The following MAGI2 variants were observed in gnomAD, a reference collection of about 807,000 sequenced individuals.
The protein encoded by MAGI2 is membrane associated guanylate kinase, WW and PDZ domain containing 2.
In MAGI2, 35 loss-of-function variants were observed where a neutral mutation model predicts 133.3. The observed-to-expected ratio is 0.26, with a 90% CI of 0.20 to 0.35. The LOEUF is 0.35. Ranked by LOEUF, MAGI2 falls within the 10% of genes least tolerant of loss-of-function variation. The pLI, the probability that MAGI2 is intolerant of heterozygous loss-of-function variation, is 1.00. For synonymous variants in MAGI2, 729 were observed against 710.6 expected (o/e 1.03, Z -0.41); for missense variants, 1,636 against 1,863.4 (o/e 0.88, Z 2.25).
At chr7:79,230,820 T>G (rs1404967572) in intron 1 of MAGI2, among the ~76,000 whole-genome samples, 48 of 150,324 alleles carry the variant, frequency 3.2e-4, no homozygotes, top group South Asian at 8.4e-4. Flanking sequence ...GTCAATTTTG[T>G]CTTTTGTTGC....
intron 2 of MAGI2, among the ~76,000 whole-genome samples, chr7:78,917,255 G>A (rs1414801005): frequency 6.6e-6 from 1 of 152,046 alleles, no homozygotes; most frequent in Non-Finnish European, 1.5e-5. Flanking sequence ...AGTAAGAGGA[G>A]TAAATCTGGA....
At chr7:78,835,113 G>C (rs1791501310) in intron 2 of MAGI2, among the ~76,000 whole-genome samples, 1 of 152,126 alleles carries the variant, frequency 6.6e-6, no homozygotes, top group African/African-American at 2.4e-5. Flanking sequence ...AAATTGCTAG[G>C]TCATATAGTA....
At chr7:79,144,853 C>A (rs1315376041) in intron 1 of MAGI2, among the ~76,000 whole-genome samples, 1 of 152,190 alleles carries the variant, frequency 6.6e-6, no homozygotes, top group Non-Finnish European at 1.5e-5. Context: ...AACATGCCTT[C>A]CCCAACCCCT....
At chr7:78,647,487 A>G (rs1000637441) in intron 2 of MAGI2, among the ~76,000 whole-genome samples, 3 of 152,220 alleles carry the variant, frequency 2.0e-5, no homozygotes, top group Non-Finnish European at 4.4e-5. Flanking sequence ...TTAAAAACTC[A>G]GGAAACAACA....
intron 1 of MAGI2, among the ~76,000 whole-genome samples, chr7:79,438,643 T>G (rs1158007148): frequency 2.0e-5 from 3 of 152,022 alleles, no homozygotes; most frequent in African/African-American, 7.2e-5. Flanking sequence ...GAAAGTCATT[T>G]TTGCCTAGTG....
At chr7:78,731,955 A>T (rs1237458102) in intron 2 of MAGI2, among the ~76,000 whole-genome samples, 1 of 152,156 alleles carries the variant, frequency 6.6e-6, no homozygotes, top group Non-Finnish European at 1.5e-5. Flanking sequence ...CCAGGCCAAC[A>T]TTCCAGGCTT....
In MAGI2 at chr7:78,813,785, CAA is replaced by C. The variant is rs36107160; in HGVS notation, c.419-186548_419-186547del. 7.0e-3 allele frequency among the ~76,000 whole-genome samples: 674 copies of C among 96,770 alleles called. 6 individuals carry two copies. Among genetic ancestry groups the C allele is most frequent in the African/African-American group, 0.019 (466 of 24,376 alleles). The allele number at this position is 96,770 out of a possible 152,430, so 63.5% of individuals were successfully genotyped here. On this transcript the variant is annotated intron_variant, in intron 2 of 21. Transcript: ENST00000354212. Reference sequence around the variant, plus strand: ...TGGGTGACAGAGTGAGATTCTGTCTCAAAAAAAAAAAAAAAAAAACACAAAAA... The same window carrying C: ...TGGGTGACAGAGTGAGATTCTGTCTCAAAAAAAAAAAAAAAAACACAAAAA...
chr7:78,422,929 C>T (rs1481862944), intron 6 of MAGI2, among the ~76,000 whole-genome samples: 1 of 152,102 alleles, frequency 6.6e-6, no homozygotes, highest in African/African-American at 2.4e-5. Flanking sequence ...TGTTAAGCTT[C>T]CTTTAGGTCA....
intron 1 of MAGI2, among the ~76,000 whole-genome samples, chr7:79,085,729 T>C (rs1816426494): frequency 6.6e-6 from 1 of 151,950 alleles, no homozygotes; most frequent in African/African-American, 2.4e-5. Context: ...AAAGTCTTTA[T>C]GCTTTGTTGT....
intron 1 of MAGI2, among the ~76,000 whole-genome samples, chr7:79,213,574 GTCAAT>G (rs1242269474): frequency 6.6e-6 from 1 of 151,992 alleles, no homozygotes; most frequent in Non-Finnish European, 1.5e-5. Flanking sequence ...AAGAAAGCAA[GTCAAT>G]TGTACAACTT....
intron 2 of MAGI2, among the ~76,000 whole-genome samples, chr7:78,775,833 G>A (rs765497806): frequency 3.3e-5 from 5 of 152,206 alleles, no homozygotes; most frequent in Non-Finnish European, 5.9e-5. Flanking sequence ...CGCAACTGGT[G>A]CTACACAATT....
At chr7:79,414,671 G>A (rs1014573543) in intron 1 of MAGI2, 2 of 152,048 alleles carry the variant, frequency 1.3e-5, no homozygotes, top group African/African-American at 4.8e-5. Flanking sequence ...AGTCCCATAA[G>A]TGAAATAGTT....
chr7:79,257,526 T>G (rs1833777007), intron 1 of MAGI2, among the ~76,000 whole-genome samples: 1 of 152,230 alleles, frequency 6.6e-6, no homozygotes. Context: ...TCAGCTTGAA[T>G]GGCTCTTTGT....
At chr7:78,489,922 AGTCC>A in intron 5 of MAGI2, 82 bp from the exon 6 acceptor site, 1 of 1,051,490 alleles carries the variant, frequency 9.5e-7, no homozygotes, top group East Asian at 2.4e-5. Flanking sequence ...AAGCAGGGTT[AGTCC>A]AACAAAATTG....
intron 2 of MAGI2, among the ~76,000 whole-genome samples, chr7:78,699,193 T>C (rs763140519): frequency 1.7e-4 from 26 of 152,152 alleles, no homozygotes; most frequent in Non-Finnish European, 3.2e-4. Context: ...CAATGCAATC[T>C]CTGCCTTGCG....
intron 1 of MAGI2, among the ~76,000 whole-genome samples, chr7:79,210,331 T>C (rs1391580491): frequency 6.6e-6 from 1 of 152,096 alleles, no homozygotes; most frequent in Non-Finnish European, 1.5e-5. Flanking sequence ...TTGATATCTG[T>C]ATGTATTATA....
Position 78,352,289 on chromosome 7 carries a change from T to C in MAGI2, c.1104-6246A>G, listed in dbSNP as rs184676680. On this transcript the variant is annotated intron_variant, in intron 7 of 21. Coordinates refer to ENST00000354212, the MANE Select transcript of MAGI2 (RefSeq NM_012301.4). ...TGCAAAACAAGGTTACATAATGCAA[T>C]GTGTGCCTTACAGGGCTTTGAAATG... Among the ~76,000 whole-genome samples, 243 of 152,296 alleles carry C rather than the reference T, an allele frequency of 1.6e-3. 1 individual carries two copies. Among genetic ancestry groups the C allele is most frequent in the African/African-American group, 5.6e-3 (233 of 41,574 alleles).
chr7:78,281,114 C>A (rs1236760867), intron 9 of MAGI2, among the ~76,000 whole-genome samples: 5 of 152,136 alleles, frequency 3.3e-5, no homozygotes. Flanking sequence ...ATATCCTCTT[C>A]AGTCTACATT....
intron 9 of MAGI2, among the ~76,000 whole-genome samples, chr7:78,322,835 A>G (rs1219651934): frequency 6.6e-6 from 1 of 152,138 alleles, no homozygotes. Context: ...TTAGTAACTC[A>G]GAGTCTTAAG....
Sources: gnomAD v4.1 joint callset for allele counts (sites outside exome capture counted in the v4.1 genomes callset) on GRCh38, gnomAD v4.1.1 for gene constraint, MANE v1.5 for transcripts, NCBI Gene and HGNC (gene_info 2026-07-23, HGNC 2026-07-21) for gene names.